PRR16: variants seen among roughly 807,000 people sequenced by gnomAD.
PRR16 encodes the protein protein Largen.
Under a neutral mutation model 18.2 loss-of-function variants are expected in PRR16, and 6 were observed. The observed-to-expected ratio is 0.33, with a 90% CI of 0.18 to 0.65. PRR16 has a LOEUF of 0.65. PRR16 is among the 30% of genes least tolerant of loss of function. The probability of loss-of-function intolerance (pLI) is 0.74; values close to 1 mark genes in which losing one functional copy is unlikely to be tolerated. For missense variants in PRR16, 412 were observed against 376.6 expected (o/e 1.09, Z -0.78); for synonymous variants, 151 against 147.8 (o/e 1.02, Z -0.16).
At chr5:120,666,500 A>G (rs1240308799) in intron 1 of PRR16, among the ~76,000 whole-genome samples, 48 of 151,782 alleles carry the variant, frequency 3.2e-4, no homozygotes, top group Admixed American at 2.0e-3. Context: ...ACTATGTTGC[A>G]TAGGAGTGGT....
the PRR16 span, among the ~76,000 whole-genome samples, chr5:120,724,114 ACTGG>A: frequency 5.3e-5 from 8 of 151,804 alleles, no homozygotes; most frequent in African/African-American, 1.7e-4. Flanking sequence ...AGCTTTTCCA[ACTGG>A]CTATTAATTG....
chr5:120,526,464 G>A (rs1223578778), intron 1 of PRR16, among the ~76,000 whole-genome samples: 1 of 151,838 alleles, frequency 6.6e-6, no homozygotes. Flanking sequence ...TTCCCCTCAG[G>A]CAACAAATCC....
chr5:120,667,830 T>C (rs1009309027), intron 1 of PRR16, among the ~76,000 whole-genome samples: 2 of 152,184 alleles, frequency 1.3e-5, no homozygotes, highest in African/African-American at 4.8e-5. Flanking sequence ...CCGTTTGTTA[T>C]AATCTCTGTT....
At chr5:120,485,259 G>A (rs1415432876) in intron 1 of PRR16, among the ~76,000 whole-genome samples, 1 of 152,054 alleles carries the variant, frequency 6.6e-6, no homozygotes, top group Non-Finnish European at 1.5e-5. Flanking sequence ...TAATAATTGA[G>A]CTTTTGTAAA....
At chr5:120,466,661 ACTTT>A (rs1399588095) in intron 1 of PRR16, among the ~76,000 whole-genome samples, 1 of 152,184 alleles carries the variant, frequency 6.6e-6, no homozygotes, top group Non-Finnish European at 1.5e-5. Context: ...TGTTGATACC[ACTTT>A]CTGTGTCTTC....
chr5:120,694,796 T>G, the PRR16 span, among the ~76,000 whole-genome samples: 2 of 152,162 alleles, frequency 1.3e-5, no homozygotes, highest in Non-Finnish European at 2.9e-5. Context: ...AGCACATGAA[T>G]AAATGTATTT....
intron 1 of PRR16, among the ~76,000 whole-genome samples, chr5:120,555,829 T>TAAA (rs367985792): frequency 4.3e-5 from 6 of 138,044 alleles, no homozygotes; most frequent in South Asian, 2.3e-4. Context: ...TTTGAGTTTC[T>TAAA]AAAAAAAAAA....
chr5:120,563,984 T>C (rs1752655981), intron 1 of PRR16, among the ~76,000 whole-genome samples: 1 of 152,156 alleles, frequency 6.6e-6, no homozygotes, highest in Non-Finnish European at 1.5e-5. Context: ...CTGCCGGGAC[T>C]GTCGTCTTCT....
At chr5:120,492,743 T>C (rs1336980304) in intron 1 of PRR16, among the ~76,000 whole-genome samples, 1 of 152,104 alleles carries the variant, frequency 6.6e-6, no homozygotes, top group Non-Finnish European at 1.5e-5. Flanking sequence ...CCACAGTCCG[T>C]TATATCACTC....
chr5:120,770,926 A>ACACTCTCT, the PRR16 span, among the ~76,000 whole-genome samples: 1 of 131,362 alleles, frequency 7.6e-6, no homozygotes, highest in South Asian at 2.7e-4. Context: ...TCATTGGAAC[A>ACACTCTCT]CTCTCTCTCT....
At chr5:120,622,615 A>G (rs1754726353) in intron 1 of PRR16, among the ~76,000 whole-genome samples, 1 of 152,002 alleles carries the variant, frequency 6.6e-6, no homozygotes, top group Non-Finnish European at 1.5e-5. Context: ...AATAGCTGGG[A>G]CTACAGGCAT....
At chr5:120,514,963 A>G (rs1290258248) in intron 1 of PRR16, among the ~76,000 whole-genome samples, 1 of 152,144 alleles carries the variant, frequency 6.6e-6, no homozygotes, top group Non-Finnish European at 1.5e-5. Context: ...TCTTATAGCA[A>G]CAGTCCCACT....
At chr5:120,530,281 A>ATATATATTTATT (rs1447791509) in intron 1 of PRR16, among the ~76,000 whole-genome samples, 69 of 92,672 alleles carry the variant, frequency 7.4e-4, no homozygotes, top group African/African-American at 3.0e-3. Flanking sequence ...ATATATATAT[A>ATATATATTTATT]TATTTATTTA....
At chr5:120,736,291 G>A in the PRR16 span, among the ~76,000 whole-genome samples, 28 of 152,094 alleles carry the variant, frequency 1.8e-4, no homozygotes, top group East Asian at 4.5e-3. Context: ...TTTTTTATAC[G>A]AAAAAGTCTG....
At chr5:120,621,440 C>T (rs891593810) in intron 1 of PRR16, among the ~76,000 whole-genome samples, 1 of 152,066 alleles carries the variant, frequency 6.6e-6, no homozygotes, top group Non-Finnish European at 1.5e-5. Context: ...CTAATCTCGT[C>T]TCAGTCTCTG....
At chr5:120,474,599 A>ATTT (rs1561505156) in intron 1 of PRR16, among the ~76,000 whole-genome samples, 7 of 107,692 alleles carry the variant, frequency 6.5e-5, no homozygotes, top group Admixed American at 4.1e-4. Flanking sequence ...CTTTTTTTTA[A>ATTT]AAAAAAAACC....
In PRR16 at chr5:120,575,318, A is replaced by AACACACACACACACACACAC. The variant is rs3047956; in HGVS notation, c.160-110619_160-110600dup. ...CCTTGATTACAAAACCAGACAAGGA[A>AACACACACACACACACACAC]ACACACACACACACACACACACACA... On this transcript the variant is annotated intron_variant, in intron 1 of 1. Coordinates refer to ENST00000407149, the MANE Select transcript of PRR16 (RefSeq NM_001300783.2). 3.1e-3 allele frequency among the ~76,000 whole-genome samples: 424 copies of AACACACACACACACACACAC among 138,224 alleles called. 3 individuals carry two copies. The highest frequency in any genetic ancestry group is 7.9e-3 in the South Asian group (33 of 4,196). The allele number at this position is 138,224 out of a possible 152,430, so 90.7% of individuals were successfully genotyped here.
At chr5:120,533,936 G>A (rs13161840) in intron 1 of PRR16, among the ~76,000 whole-genome samples, 43,501 of 152,022 alleles carry the variant, frequency 0.29, 7,169 homozygotes, top group East Asian at 0.66. Context: ...AGTATAACAA[G>A]GCTTCCTGAG....
rs1376921492 is a variant in PRR16 at position 120,686,262 on chromosome 5, T to C, written c.468T>C (p.Asn156=). The C allele has an allele frequency of 6.2e-7, 1 of 1,613,932 alleles. No homozygotes were observed. The highest frequency in any genetic ancestry group is 2.2e-5 in the East Asian group (1 of 44,884). ...AAACCAATGGCACCCTTCTACGAAATGGAGGCTTACCAGGTGGACCTAACA... is the reference window on the plus strand; with the variant it reads ...AAACCAATGGCACCCTTCTACGAAACGGAGGCTTACCAGGTGGACCTAACA... ...PVKTNGTLLR[N]GGLPGGPNKI... Residue 156 remains asparagine (N), a synonymous_variant, in exon 2 of 2, where the codon AAT becomes AAC. Coordinates refer to ENST00000407149, the MANE Select transcript of PRR16 (RefSeq NM_001300783.2).
Sources: allele counts gnomAD v4.1 joint callset (sites outside exome capture counted in the v4.1 genomes callset), GRCh38; gene constraint gnomAD v4.1.1; transcripts MANE v1.5; gene names NCBI Gene and HGNC (gene_info 2026-07-23, HGNC 2026-07-21).